ADGRB3: variants seen among roughly 807,000 people sequenced by gnomAD.
ADGRB3 encodes the protein brain-specific angiogenesis inhibitor 3.
Under a neutral mutation model 193.4 loss-of-function variants are expected in ADGRB3, and 37 were observed. The observed-to-expected ratio is 0.19, with a 90% CI of 0.15 to 0.25. ADGRB3 has a LOEUF of 0.25. ADGRB3 is among the 10% of genes least tolerant of loss of function. The pLI is 1.00. For missense variants in ADGRB3, 1,637 were observed against 1,852.9 expected, an observed-to-expected ratio of 0.88 and a Z score of 2.14; for synonymous variants, 690 against 644.2, an observed-to-expected ratio of 1.07 and a Z score of -1.08.
intron 8 of ADGRB3, among the ~76,000 whole-genome samples, chr6:68,972,439 C>T (rs1227874144): frequency 3.9e-5 from 6 of 152,040 alleles, no homozygotes; most frequent in East Asian, 1.9e-4. Context: ...GTTTGGAGCA[C>T]CTGGCAAAAT....
intron 20 of ADGRB3, among the ~76,000 whole-genome samples, chr6:69,245,519 G>C (rs1358728033): frequency 6.6e-6 from 1 of 152,044 alleles, no homozygotes; most frequent in African/African-American, 2.4e-5. Flanking sequence ...GGCCCATGCT[G>C]ACCTCTCCAT....
intron 3 of ADGRB3, among the ~76,000 whole-genome samples, chr6:68,731,471 G>A (rs1021333575): frequency 6.6e-6 from 1 of 151,510 alleles, no homozygotes; most frequent in Non-Finnish European, 1.5e-5. Context: ...TATAATTTTA[G>A]AATATGATCC....
chr6:68,762,966 CCATA>C (rs1766439968), intron 3 of ADGRB3, among the ~76,000 whole-genome samples: 1 of 152,168 alleles, frequency 6.6e-6, no homozygotes, highest in African/African-American at 2.4e-5. Context: ...TAGCCTGACT[CCATA>C]CATTCATTTA....
intron 13 of ADGRB3, among the ~76,000 whole-genome samples, chr6:69,046,038 G>A (rs1285307062): frequency 6.6e-6 from 1 of 152,094 alleles, no homozygotes; most frequent in South Asian, 2.1e-4. Context: ...TATGAATATG[G>A]TATTAGACGA....
At chr6:68,960,819 AG>A (rs1261914537) in intron 8 of ADGRB3, among the ~76,000 whole-genome samples, 1 of 152,132 alleles carries the variant, frequency 6.6e-6, no homozygotes, top group African/African-American at 2.4e-5. Context: ...CTGACTCAGT[AG>A]GTCTTGAATG....
intron 13 of ADGRB3, among the ~76,000 whole-genome samples, chr6:69,033,435 G>T (rs1770770758): frequency 6.6e-6 from 1 of 151,956 alleles, no homozygotes; most frequent in South Asian, 2.1e-4. Flanking sequence ...TAATTATGTA[G>T]TATTGCTACA....
chr6:68,870,586 C>T (rs554519198), intron 3 of ADGRB3, among the ~76,000 whole-genome samples: 7 of 152,228 alleles, frequency 4.6e-5, no homozygotes, highest in African/African-American at 1.4e-4. Flanking sequence ...CAGGTGAAAA[C>T]ATTGAGTCAT....
At chr6:68,948,438 A>C (rs1178842757) in intron 6 of ADGRB3, among the ~76,000 whole-genome samples, 1 of 152,116 alleles carries the variant, frequency 6.6e-6, no homozygotes, top group Non-Finnish European at 1.5e-5. Context: ...TGTCGCACAT[A>C]ATGGAAAGTT....
intron 3 of ADGRB3, among the ~76,000 whole-genome samples, chr6:68,836,351 A>AT (rs11457918): frequency 0.21 from 32,472 of 151,418 alleles, 4,001 homozygotes; most frequent in East Asian, 0.58. Context: ...TCCCTGCACC[A>AT]TTTTTTCTGC....
intron 17 of ADGRB3, 67 bp downstream of exon 17, chr6:69,076,105 C>A: frequency 7.3e-7 from 1 of 1,378,336 alleles, no homozygotes; most frequent in Non-Finnish European, 1.0e-6. Context: ...GTTAGTTCAG[C>A]TGCCTGCTAG....
intron 17 of ADGRB3, among the ~76,000 whole-genome samples, chr6:69,179,466 T>G (rs781677987): frequency 7.2e-5 from 11 of 152,220 alleles, no homozygotes; most frequent in Non-Finnish European, 1.5e-4. Context: ...TGCTTTGAAA[T>G]TTTAATCTGT....
chr6:69,024,683 C>T (rs999113794), intron 13 of ADGRB3, among the ~76,000 whole-genome samples: 6 of 152,132 alleles, frequency 3.9e-5, no homozygotes, highest in South Asian at 2.1e-4. Flanking sequence ...GAATCTAAAA[C>T]ATATCAATTT....
intron 17 of ADGRB3, among the ~76,000 whole-genome samples, chr6:69,130,217 G>A (rs9360376): frequency 0.64 from 96,865 of 151,572 alleles, 32,172 homozygotes; most frequent in East Asian, 0.95. Flanking sequence ...AAAGGGCACT[G>A]ATCCCAATTA....
chr6:69,255,867 A>T (rs1390400911), intron 20 of ADGRB3, among the ~76,000 whole-genome samples: 1 of 152,128 alleles, frequency 6.6e-6, no homozygotes, highest in Admixed American at 6.6e-5. Context: ...TCCATCTTGA[A>T]TTAATTTTTG....
At chr6:69,339,612 C>G in intron 26 of ADGRB3, 108 bp downstream of exon 26, 1 of 1,287,046 alleles carries the variant, frequency 7.8e-7, no homozygotes, top group Admixed American at 2.0e-5. Context: ...CTGGTCTCCT[C>G]CATTGACAAT....
At chr6:68,951,015 T>C (rs1369061607) in intron 6 of ADGRB3, among the ~76,000 whole-genome samples, 2 of 152,162 alleles carry the variant, frequency 1.3e-5, no homozygotes, top group African/African-American at 4.8e-5. Flanking sequence ...ACCCATCTCT[T>C]TCCACCTCTC....
At chr6:68,807,101 C>T (rs571689472) in intron 3 of ADGRB3, among the ~76,000 whole-genome samples, 4 of 151,940 alleles carry the variant, frequency 2.6e-5, no homozygotes, top group East Asian at 3.9e-4. Flanking sequence ...ATTTGTAAAC[C>T]GGTTACAAAA....
chr6:68,651,929 G>A (rs551021369), intron 3 of ADGRB3, among the ~76,000 whole-genome samples: 1 of 152,120 alleles, frequency 6.6e-6, no homozygotes, highest in Non-Finnish European at 1.5e-5. Context: ...TCAATTTTAT[G>A]GTCACCAAGT....
intron 17 of ADGRB3, among the ~76,000 whole-genome samples, chr6:69,131,141 T>A: frequency 6.6e-6 from 1 of 152,040 alleles, no homozygotes; most frequent in East Asian, 1.9e-4. Flanking sequence ...AAAAAGAATG[T>A]TCAACTCAAT....
Sources: allele counts gnomAD v4.1 joint callset (sites outside exome capture counted in the v4.1 genomes callset), GRCh38; gene constraint gnomAD v4.1.1; transcripts MANE v1.5; gene names NCBI Gene and HGNC (gene_info 2026-07-23, HGNC 2026-07-21).